PRKAB2: variants seen among roughly 807,000 people sequenced by gnomAD.
PRKAB2 encodes 5'-AMP-activated protein kinase subunit beta-2.
PRKAB2 carries 18 observed loss-of-function variants against 29.8 expected under a neutral mutation model. The observed-to-expected ratio is 0.60, with a 90% CI of 0.42 to 0.89. The LOEUF (loss-of-function observed/expected upper bound fraction) is 0.89, where lower values mean the gene tolerates loss of function less well. Among genes scored for constraint, PRKAB2 ranks in the 40% least tolerant of loss-of-function variants. PRKAB2 has a pLI of 0.00. For missense variants in PRKAB2, 270 were observed against 344.3 expected, an observed-to-expected ratio of 0.78 and a Z score of 1.71; for synonymous variants, 136 against 125.9, an observed-to-expected ratio of 1.08 and a Z score of -0.54.
intron 5 of PRKAB2, among the ~76,000 whole-genome samples, chr1:147,166,124 C>T (rs587713301): frequency 6.6e-6 from 1 of 152,252 alleles, no homozygotes; most frequent in South Asian, 2.1e-4. Context: ...ACCAAACAAA[C>T]TACACACATG....
intron 5 of PRKAB2, among the ~76,000 whole-genome samples, chr1:147,164,035 C>G (rs886374138): frequency 2.0e-5 from 3 of 152,044 alleles, no homozygotes; most frequent in Admixed American, 6.5e-5. Flanking sequence ...CTCCTGGGCT[C>G]AAGTGATCCT....
At position 147,156,267 on chromosome 1, in the gene PRKAB2, T is replaced by C. The variant is rs891442670; in HGVS notation, c.*3298A>G. On this transcript the variant is annotated 3_prime_UTR_variant, in exon 8 of 8. Transcript: ENST00000254101. ...TATCATTTTTAGTTGAGGTCAAAAT[T>C]ATTAAAGCCCTATTTCCCCAATTAA... 5.9e-5 allele frequency: 9 copies of C among 152,566 alleles called. No homozygotes were observed. The highest frequency in any genetic ancestry group is 8.8e-5 in the Non-Finnish European group (6 of 68,024). The allele number at this position is 152,566 out of a possible 1,614,324, so 9.5% of individuals were successfully genotyped here. A position where few individuals can be genotyped will look rare whatever the true frequency, so the allele number is the denominator to read the frequency against.
rs1373325970 is a variant in PRKAB2 at position 147,158,263 on chromosome 1, T to C, written c.*1302A>G. 6.6e-6 allele frequency: 1 copy of C among 152,158 alleles called. No individual in the cohort carries two copies. Among genetic ancestry groups the C allele is most frequent in the East Asian group, 1.9e-4 (1 of 5,200 alleles). 9.4% of individuals were successfully genotyped at this position (152,158 alleles called of 1,614,324 possible). On this transcript the variant is annotated 3_prime_UTR_variant, in exon 8 of 8. Transcript: ENST00000254101. ...AAGAAGAGGCAGGAGAACAAAATGA[T>C]TTTGTTAACATTTGGTGCAAAGAAT... is the stretch of plus-strand genomic sequence containing the variant.
Position 147,170,595 on chromosome 1 carries a change from G to GT in PRKAB2, c.156+1393dup, listed in dbSNP as rs782548494. 5.3e-5 allele frequency among the ~76,000 whole-genome samples: 8 copies of GT among 151,572 alleles called. No homozygotes were observed. The South Asian group carries it at 1.0e-3, about 20-fold the overall frequency. On this transcript the variant is annotated intron_variant, in intron 2 of 7. Coordinates refer to ENST00000254101, the MANE Select transcript of PRKAB2 (RefSeq NM_005399.5). ...TTATGGTTGGTTTTTTTGTTTTTTTGTTTTTTTGTTTTGAGAGTCTGTCAC... is the reference window on the plus strand; with the variant it reads ...TTATGGTTGGTTTTTTTGTTTTTTTGTTTTTTTTGTTTTGAGAGTCTGTCAC...
At chr1:147,161,275 G>T (rs1257882152) in intron 7 of PRKAB2, among the ~76,000 whole-genome samples, 1 of 152,138 alleles carries the variant, frequency 6.6e-6, no homozygotes, top group Non-Finnish European at 1.5e-5. Flanking sequence ...TAGTGTATAG[G>T]AGAGATGCAA....
At chr1:147,166,010 G>C (rs1654228390) in intron 5 of PRKAB2, among the ~76,000 whole-genome samples, 2 of 152,120 alleles carry the variant, frequency 1.3e-5, no homozygotes, top group Admixed American at 1.3e-4. Flanking sequence ...TATTGCCCAG[G>C]CTGTTGGTTT....
chr1:147,161,819 A>C (rs1318165991), intron 6 of PRKAB2, 39 bp from the exon 7 acceptor site: 1 of 1,484,050 alleles, frequency 6.7e-7, no homozygotes, highest in African/African-American at 1.4e-5. Flanking sequence ...AAAATTACTA[A>C]ATGAAATTAA....
chr1:147,166,714 T>C, intron 4 of PRKAB2, 96 bp from the exon 5 acceptor site: 1 of 1,566,836 alleles, frequency 6.4e-7, no homozygotes, highest in Non-Finnish European at 8.7e-7. Context: ...ACGATTGTTC[T>C]CAGCACCTCC....
Position 147,159,232 on chromosome 1 carries a change from G to C in PRKAB2, c.*333C>G, listed in dbSNP as rs138108363. 2.7e-3 allele frequency: 640 copies of C among 235,986 alleles called. 5 individuals carry two copies. The highest frequency in any genetic ancestry group is 8.6e-3 in the South Asian group (76 of 8,824). 14.6% of individuals were successfully genotyped at this position (235,986 alleles called of 1,614,324 possible). A position where few individuals can be genotyped will look rare whatever the true frequency, so the allele number is the denominator to read the frequency against. ...AAGAGTTTGCTGTTCTTTCATTTTAGGAAAAATCTTCCTATATAGTTATTC... is the reference window on the plus strand; with the variant it reads ...AAGAGTTTGCTGTTCTTTCATTTTACGAAAAATCTTCCTATATAGTTATTC... On this transcript the variant is annotated 3_prime_UTR_variant, in exon 8 of 8. Coordinates refer to ENST00000254101, the MANE Select transcript of PRKAB2 (RefSeq NM_005399.5).
In PRKAB2 at chr1:147,167,937, TAAG is replaced by T; in HGVS notation, c.157-7_157-5del. ...CAAACTCTTTGTCCCCAGGGAGCTG[TAAG>T]AAGGAGTAGGTCATCCCTAGAATAA... is the stretch of plus-strand genomic sequence containing the variant. On this transcript the variant is annotated splice_region_variant and splice_polypyrimidine_tract_variant and intron_variant, in intron 2 of 7. Coordinates refer to ENST00000254101, the MANE Select transcript of PRKAB2 (RefSeq NM_005399.5). The T allele has an allele frequency of 1.2e-6, 2 of 1,610,120 alleles. No homozygotes were observed. Among genetic ancestry groups the T allele is most frequent in the Non-Finnish European group, 1.7e-6 (2 of 1,178,238 alleles).
At chr1:147,164,016 A>C (rs1284694002) in intron 5 of PRKAB2, among the ~76,000 whole-genome samples, 1 of 152,122 alleles carries the variant, frequency 6.6e-6, no homozygotes, top group Non-Finnish European at 1.5e-5. Flanking sequence ...GGCTCACTAC[A>C]GCCTTGACCT....
At position 147,157,601 on chromosome 1, in the gene PRKAB2, A is replaced by G. The variant is rs1032719584; in HGVS notation, c.*1964T>C. On this transcript the variant is annotated 3_prime_UTR_variant, in exon 8 of 8. Coordinates refer to ENST00000254101, the MANE Select transcript of PRKAB2 (RefSeq NM_005399.5). ...CATTTCAATACTGTTGACAAGAAAT[A>G]TAACAAACTTCATGTAATAACCAAG... 2 of 152,222 alleles carry G rather than the reference A, an allele frequency of 1.3e-5. No homozygotes were observed. The highest frequency in any genetic ancestry group is 2.9e-5 in the Non-Finnish European group (2 of 68,018). 9.4% of individuals were successfully genotyped at this position (152,222 alleles called of 1,614,324 possible). A position where few individuals can be genotyped will look rare whatever the true frequency, so the allele number is the denominator to read the frequency against.
intron 2 of PRKAB2, among the ~76,000 whole-genome samples, chr1:147,169,383 C>T (rs1169792689): frequency 6.6e-6 from 1 of 152,154 alleles, no homozygotes; most frequent in African/African-American, 2.4e-5. Context: ...ACTACATATT[C>T]TCAGAACAAT....
rs1553912566 is a variant in PRKAB2 at position 147,157,454 on chromosome 1, G to T, written c.*2111C>A. 3.9e-5 allele frequency: 6 copies of T among 152,056 alleles called. 1 individual carries two copies. 9.4% of individuals were successfully genotyped at this position (152,056 alleles called of 1,614,324 possible). A position where few individuals can be genotyped will look rare whatever the true frequency, so the allele number is the denominator to read the frequency against. ...AGCATCAAAACCTACTGTCACAGGG[G>T]GCTGACGCATTTCACAAAAGCCTCA... On this transcript the variant is annotated 3_prime_UTR_variant, in exon 8 of 8. Transcript: ENST00000254101.
chr1:147,172,149 G>C lies in PRKAB2; in HGVS notation c.-5C>G, dbSNP rs1553914555. On this transcript the variant is annotated 5_prime_UTR_variant, in exon 2 of 8. Coordinates refer to ENST00000254101, the MANE Select transcript of PRKAB2 (RefSeq NM_005399.5). ...GTCGCTGGTGGTGTTTCCCATGGCT[G>C]CAGCTCGTCGGGGACCACCTACCGC... 1 of 1,544,554 alleles carries C rather than the reference G, an allele frequency of 6.5e-7. No homozygotes were observed. Among genetic ancestry groups the C allele is most frequent in the South Asian group, 1.2e-5 (1 of 83,636 alleles).
intron 3 of PRKAB2, 125 bp from the exon 4 acceptor site, chr1:147,167,064 G>A: frequency 1.3e-6 from 1 of 765,556 alleles, no homozygotes; most frequent in South Asian, 1.8e-5. Flanking sequence ...GTATCCCCTG[G>A]TGTAAAAAAC....
At chr1:147,163,710 G>A (rs587602692) in intron 5 of PRKAB2, among the ~76,000 whole-genome samples, 1 of 152,258 alleles carries the variant, frequency 6.6e-6, no homozygotes, top group South Asian at 2.1e-4. Flanking sequence ...GGATGTGACT[G>A]CTAATGGGTA....
chr1:147,164,360 G>T (rs1291634106), intron 5 of PRKAB2, among the ~76,000 whole-genome samples: 2 of 152,158 alleles, frequency 1.3e-5, no homozygotes, highest in African/African-American at 2.4e-5. Flanking sequence ...AACGACAAAT[G>T]TTTGAGATGA....
At chr1:147,171,409 C>G (rs782436485) in intron 2 of PRKAB2, among the ~76,000 whole-genome samples, 1 of 152,206 alleles carries the variant, frequency 6.6e-6, no homozygotes, top group Non-Finnish European at 1.5e-5. Flanking sequence ...AAGCAGTCAA[C>G]TAAATGATGT....
Sources: gnomAD v4.1 joint callset for allele counts (sites outside exome capture counted in the v4.1 genomes callset) on GRCh38, gnomAD v4.1.1 for gene constraint, MANE v1.5 for transcripts, NCBI Gene and HGNC (gene_info 2026-07-23, HGNC 2026-07-21) for gene names.